RAPGEF1: variants seen among roughly 807,000 people sequenced by gnomAD.
RAPGEF1 encodes the protein CRK SH3-binding GNRP.
A neutral mutation model predicts 143.3 loss-of-function variants in RAPGEF1; 33 were observed. The observed-to-expected ratio is 0.23, with a 90% CI of 0.17 to 0.31. The LOEUF is 0.31. Among genes scored for constraint, RAPGEF1 ranks in the 10% least tolerant of loss-of-function variants. The probability of loss-of-function intolerance (pLI) is 1.00; values close to 1 mark genes in which losing one functional copy is unlikely to be tolerated. For synonymous variants in RAPGEF1, 629 were observed against 676.5 expected, an observed-to-expected ratio of 0.93 and a Z score of 1.09; for missense variants, 1,199 against 1,645.4, an observed-to-expected ratio of 0.73 and a Z score of 4.69.
chr9:131,626,222 C>A lies in RAPGEF1; in HGVS notation c.1402G>T (p.Asp468Tyr). Residue 468 changes from aspartate (D) to tyrosine (Y), a missense_variant, in exon 10 of 27, where the codon GAT becomes TAT. Coordinates refer to ENST00000683357, the MANE Select transcript of RAPGEF1 (RefSeq NM_001377935.1). Reference protein sequence around the residue: ...DGPLAPGQQTDTPPALPEKKR... With the variant: ...DGPLAPGQQTYTPPALPEKKR... The stretch of plus-strand genomic sequence containing the variant: ...TTCTCGGGGAGAGCAGGTGGCGTAT[C>A]TGTCTGCTGCCCTGGGGCCAGAGGT... 6.2e-7 allele frequency: 1 copy of A among 1,613,854 alleles called. No individual in the cohort carries two copies.
intron 1 of RAPGEF1, among the ~76,000 whole-genome samples, chr9:131,687,687 A>G (rs1257454907): frequency 6.6e-6 from 1 of 152,214 alleles, no homozygotes; most frequent in African/African-American, 2.4e-5. Context: ...TAGAACTCAG[A>G]GCAGCCCCTA....
At chr9:131,695,832 T>A (rs1014777226) in intron 1 of RAPGEF1, among the ~76,000 whole-genome samples, 8 of 152,206 alleles carry the variant, frequency 5.3e-5, no homozygotes, top group African/African-American at 1.9e-4. Flanking sequence ...TGTTGACAAG[T>A]GTAACCAGCA....
intron 1 of RAPGEF1, among the ~76,000 whole-genome samples, chr9:131,706,719 T>C (rs1835093775): frequency 6.6e-6 from 1 of 152,228 alleles, no homozygotes; most frequent in South Asian, 2.1e-4. Flanking sequence ...CACCATGCGC[T>C]ATGAAAAACG....
chr9:131,601,581 A>G (rs1956284020), intron 15 of RAPGEF1, among the ~76,000 whole-genome samples: 1 of 152,148 alleles, frequency 6.6e-6, no homozygotes, highest in Middle Eastern at 3.2e-3. Context: ...AACAGTTTCT[A>G]TCCTGAGCTT....
At chr9:131,580,833 G>A (rs1160720495) in intron 25 of RAPGEF1, among the ~76,000 whole-genome samples, 2 of 152,160 alleles carry the variant, frequency 1.3e-5, no homozygotes, top group East Asian at 1.9e-4. Flanking sequence ...TAAGGCAGGA[G>A]GATTGAGCTC....
In RAPGEF1 at chr9:131,681,543, G is replaced by A. The variant is rs113157593; in HGVS notation, c.62-30594C>T. 3.9e-5 allele frequency among the ~76,000 whole-genome samples: 6 copies of A among 152,168 alleles called. No individual in the cohort carries two copies. In the East Asian group the frequency reaches 1.2e-3, roughly 29 times the overall value. On this transcript the variant is annotated intron_variant, in intron 1 of 26. Coordinates refer to ENST00000683357, the MANE Select transcript of RAPGEF1 (RefSeq NM_001377935.1). ...TTAAAGAATGTTGCTGTTTCCAGTCGGATGATTCCTACTGACTGGGATGCT... is the reference window on the plus strand; with the variant it reads ...TTAAAGAATGTTGCTGTTTCCAGTCAGATGATTCCTACTGACTGGGATGCT...
intron 5 of RAPGEF1, among the ~76,000 whole-genome samples, chr9:131,634,854 C>T (rs1179823800): frequency 1.3e-5 from 2 of 151,866 alleles, no homozygotes; most frequent in South Asian, 2.1e-4. Context: ...GGTGGGGTAC[C>T]GATTTCAAAA....
intron 1 of RAPGEF1, among the ~76,000 whole-genome samples, chr9:131,659,858 G>A (rs1355086247): frequency 2.0e-5 from 3 of 151,876 alleles, no homozygotes; most frequent in South Asian, 2.1e-4. Context: ...TCGCTCTGTC[G>A]CCCAGGCTGG....
intron 1 of RAPGEF1, among the ~76,000 whole-genome samples, chr9:131,720,974 T>C (rs1363092607): frequency 2.0e-5 from 3 of 152,234 alleles, no homozygotes; most frequent in African/African-American, 4.8e-5. Flanking sequence ...GGTTGTTATA[T>C]GTACATGTTT....
intron 1 of RAPGEF1, among the ~76,000 whole-genome samples, chr9:131,665,689 G>A (rs1216148742): frequency 6.6e-6 from 1 of 152,110 alleles, no homozygotes; most frequent in Non-Finnish European, 1.5e-5. Flanking sequence ...TCCATGGTAA[G>A]CCTGTTCTCC....
At chr9:131,637,761 A>G (rs1966760922) in intron 5 of RAPGEF1, among the ~76,000 whole-genome samples, 1 of 152,334 alleles carries the variant, frequency 6.6e-6, no homozygotes, top group Non-Finnish European at 1.5e-5. Flanking sequence ...TGACTAGTGT[A>G]ATCTTCCCTA....
At chr9:131,616,624 C>T (rs1202949951) in intron 12 of RAPGEF1, among the ~76,000 whole-genome samples, 3 of 152,196 alleles carry the variant, frequency 2.0e-5, no homozygotes, top group Non-Finnish European at 2.9e-5. Context: ...TGGAAATAAT[C>T]GTCCACTGTG....
At chr9:131,590,064 G>A (rs1043288928) in intron 18 of RAPGEF1, 86 bp from the exon 19 acceptor site, 34 of 1,196,874 alleles carry the variant, frequency 2.8e-5, no homozygotes, top group Non-Finnish European at 3.8e-5. Context: ...CTCACTGAGC[G>A]CTCACAATGT....
chr9:131,693,768 C>A (rs1327531595), intron 1 of RAPGEF1, among the ~76,000 whole-genome samples: 1 of 151,984 alleles, frequency 6.6e-6, no homozygotes, highest in Admixed American at 6.6e-5. Context: ...ATTCCCAAGT[C>A]CTCTTGGAGT....
intron 15 of RAPGEF1, among the ~76,000 whole-genome samples, chr9:131,598,750 A>G (rs928465573): frequency 6.6e-6 from 1 of 152,146 alleles, no homozygotes; most frequent in South Asian, 2.1e-4. Context: ...GGCGCTAAGA[A>G]AGAGCTGTGA....
chr9:131,619,015 G>C (rs552024691), intron 12 of RAPGEF1, 36 bp downstream of exon 12: 2 of 1,341,624 alleles, frequency 1.5e-6, no homozygotes, highest in Non-Finnish European at 9.9e-7. Flanking sequence ...CCCTGTTCAC[G>C]CGTTTCCAAG....
Position 131,704,323 on chromosome 9 carries a change from A to G in RAPGEF1, c.61+35447T>C, listed in dbSNP as rs139089812. On this transcript the variant is annotated intron_variant, in intron 1 of 26. Coordinates refer to ENST00000683357, the MANE Select transcript of RAPGEF1 (RefSeq NM_001377935.1). ...AAACACCTTTGCTGGCTGGAATCCAAACATTTCTAAATTTGCCCCTATGGC... is the reference window on the plus strand; with the variant it reads ...AAACACCTTTGCTGGCTGGAATCCAGACATTTCTAAATTTGCCCCTATGGC... Among the ~76,000 whole-genome samples the G allele has an allele frequency of 9.5e-4, 143 of 150,746 alleles. No individual in the cohort carries two copies. In the Middle Eastern group the frequency reaches 0.014, roughly 14 times the overall value.
In RAPGEF1 at chr9:131,577,125, C is replaced by G. The variant is rs1489532570; in HGVS notation, c.*2372G>C. 1 of 152,470 alleles carries G rather than the reference C, an allele frequency of 6.6e-6. No individual in the cohort carries two copies. Among genetic ancestry groups the G allele is most frequent in the Non-Finnish European group, 1.5e-5 (1 of 68,216 alleles). The allele number at this position is 152,470 out of a possible 1,614,324, so 9.4% of individuals were successfully genotyped here. On this transcript the variant is annotated 3_prime_UTR_variant, in exon 27 of 27. Transcript: ENST00000683357. ...GACGAGCCACGGCCAGGCCGCAGCA[C>G]TGAGCACAGAGCTCAGCAATAACCA...
intron 1 of RAPGEF1, among the ~76,000 whole-genome samples, chr9:131,713,034 C>A (rs1369632590): frequency 1.3e-5 from 2 of 152,114 alleles, no homozygotes; most frequent in Non-Finnish European, 1.5e-5. Flanking sequence ...CCAAGATGGG[C>A]AAGCGACCCA....
Sources: gnomAD v4.1 joint callset for allele counts (sites outside exome capture counted in the v4.1 genomes callset) on GRCh38, gnomAD v4.1.1 for gene constraint, MANE v1.5 for transcripts, NCBI Gene and HGNC (gene_info 2026-07-23, HGNC 2026-07-21) for gene names.